Variants in SPATA20 observed in about 807,000 individuals in gnomAD.
The protein encoded by SPATA20 is spermatogenesis-associated protein 20.
SPATA20 carries 74 observed loss-of-function variants against 98.9 expected under a neutral mutation model. The ratio of observed to expected loss-of-function variants is 0.75; its 90% confidence interval spans 0.62 to 0.91. The LOEUF is 0.91. SPATA20 is among the 40% of genes least tolerant of loss of function. SPATA20 has a pLI of 0.00. For missense variants in SPATA20, 1,016 were observed against 1,069.8 expected, an observed-to-expected ratio of 0.95 and a Z score of 0.70; for synonymous variants, 430 against 440.5, an observed-to-expected ratio of 0.98 and a Z score of 0.30.
Position 50,550,748 on chromosome 17 carries a change from C to T in SPATA20, c.1214C>T (p.Pro405Leu), listed in dbSNP as rs1376570770. The change falls in exon 11 of 17, where the codon CCA (proline) becomes CTA (leucine). Residue 405 changes from proline to leucine, a missense_variant. Transcript: ENST00000006658. ...FYSAEDADSP[P>L]ERGQRPKEGA... ...AGCGCAGAAGATGCAGACTCGCCCCCAGAGCGGGGCCAGCGGCCCAAAGAG... is the reference window on the plus strand; with the variant it reads ...AGCGCAGAAGATGCAGACTCGCCCCTAGAGCGGGGCCAGCGGCCCAAAGAG... 2 of 1,613,050 alleles carry T rather than the reference C, an allele frequency of 1.2e-6. No individual in the cohort carries two copies. Among genetic ancestry groups the T allele is most frequent in the African/African-American group, 1.3e-5 (1 of 74,956 alleles).
intron 1 of SPATA20, 137 bp downstream of exon 1, chr17:50,547,422 G>C: frequency 1.4e-6 from 1 of 735,818 alleles, no homozygotes; most frequent in Non-Finnish European, 2.2e-6. Flanking sequence ...CCCCACCTCC[G>C]GTCTGCTCCT....
At chr17:50,550,400 C>T in intron 9 of SPATA20, 88 bp downstream of exon 9, 1 of 1,346,110 alleles carries the variant, frequency 7.4e-7, no homozygotes. Flanking sequence ...TTCTCTTAAT[C>T]TGAATCCCCT....
rs771747881 is a variant in SPATA20, at chr17:50,555,355, G to A, written c.2238+43G>A. ...CCCAATCTGCCACCTCCCCAGAGCTGCCCCCTCCCATCCTCAGCTCCTCAA... is the reference window on the plus strand; with the variant it reads ...CCCAATCTGCCACCTCCCCAGAGCTACCCCCTCCCATCCTCAGCTCCTCAA... On this transcript the variant is annotated intron_variant, in intron 16 of 16. Transcript: ENST00000006658. 3.8e-6 allele frequency: 6 copies of A among 1,599,024 alleles called. No individual in the cohort carries two copies. In the South Asian group the frequency reaches 5.5e-5, roughly 15 times the overall value.
intron 14 of SPATA20, 40 bp from the exon 15 acceptor site, chr17:50,554,211 C>T: frequency 6.3e-7 from 1 of 1,593,928 alleles, no homozygotes; most frequent in Non-Finnish European, 8.6e-7. Context: ...ACTCAGTGAC[C>T]TGCCCTTACC....
At chr17:50,549,844 G>A in intron 7 of SPATA20, 141 bp from the exon 8 acceptor site, 1 of 928,876 alleles carries the variant, frequency 1.1e-6, no homozygotes, top group South Asian at 1.7e-5. Context: ...CCTGTGGGTT[G>A]ACTCTTGACC....
Position 50,555,807 on chromosome 17 carries a change from G to A in SPATA20, c.*145G>A. Reference sequence around the variant, plus strand: ...CTCGGCCATACTCACTGCCCCCCTTGGGCACCCACTCACCCTAGAATAAAC... The same window carrying A: ...CTCGGCCATACTCACTGCCCCCCTTAGGCACCCACTCACCCTAGAATAAAC... On this transcript the variant is annotated 3_prime_UTR_variant, in exon 17 of 17. Transcript: ENST00000006658. 1.5e-6 allele frequency: 1 copy of A among 654,350 alleles called. No homozygotes were observed. The highest frequency in any genetic ancestry group is 2.8e-5 in the East Asian group (1 of 36,132). The allele number at this position is 654,350 out of a possible 1,614,324, so 40.5% of individuals were successfully genotyped here.
chr17:50,549,965 T>G lies in SPATA20; in HGVS notation c.863-20T>G. Reference sequence around the variant, plus strand: ...CCACTTTCCCATTCTCTCACCTGCATGTTCTTGGTGCCCCCACAGTGATCC... The same window carrying G: ...CCACTTTCCCATTCTCTCACCTGCAGGTTCTTGGTGCCCCCACAGTGATCC... On this transcript the variant is annotated intron_variant, in intron 7 of 16. Transcript: ENST00000006658. 6.5e-7 allele frequency: 1 copy of G among 1,527,396 alleles called. No homozygotes were observed. Among genetic ancestry groups the G allele is most frequent in the Non-Finnish European group, 8.8e-7 (1 of 1,133,310 alleles). 94.6% of individuals were successfully genotyped at this position (1,527,396 alleles called of 1,614,324 possible).
chr17:50,548,560 C>G lies in SPATA20; in HGVS notation c.303C>G (p.Pro101=), dbSNP rs775606256. ...QHAYNPVDWY[P]WGQEAFDKAR... Reference sequence around the variant, plus strand: ...CCCACCCTGCTGGGTCTAGGTACCCCTGGGGACAGGAAGCCTTCGACAAGG... The same window carrying G: ...CCCACCCTGCTGGGTCTAGGTACCCGTGGGGACAGGAAGCCTTCGACAAGG... Residue 101 remains proline, a synonymous_variant, in exon 4 of 17, where the codon CCC becomes CCG. Coordinates refer to ENST00000006658, the MANE Select transcript of SPATA20 (RefSeq NM_022827.4). 2 of 1,613,740 alleles carry G rather than the reference C, an allele frequency of 1.2e-6. No homozygotes were observed. Among genetic ancestry groups the G allele is most frequent in the East Asian group, 4.5e-5 (2 of 44,870 alleles).
intron 14 of SPATA20, 92 bp from the exon 15 acceptor site, chr17:50,554,159 C>A: frequency 1.7e-6 from 2 of 1,168,440 alleles, no homozygotes; most frequent in Admixed American, 3.8e-5. Flanking sequence ...TCTGTCCCGT[C>A]CCCCAAGTGG....
At chr17:50,549,248 C>A (rs758305326) in intron 6 of SPATA20, 38 bp from the exon 7 acceptor site, 1 of 1,602,544 alleles carries the variant, frequency 6.2e-7, no homozygotes, top group South Asian at 1.1e-5. Flanking sequence ...GAGCCCCTCC[C>A]CCTAGCTGAC....
chr17:50,551,183 C>T lies in SPATA20; in HGVS notation c.1569C>T (p.Ala523=). ...KPHLDSKMLA[A]WNGLMVSGYA... ...ACCTGGACAGCAAGATGCTGGCTGC[C>T]TGGAATGGTGGGGCAGCACACCTGA... Residue 523 remains alanine, a synonymous_variant, in exon 12 of 17, where the codon GCC becomes GCT. Coordinates refer to ENST00000006658, the MANE Select transcript of SPATA20 (RefSeq NM_022827.4). The T allele has an allele frequency of 6.2e-7, 1 of 1,608,522 alleles. No individual in the cohort carries two copies. Among genetic ancestry groups the T allele is most frequent in the Non-Finnish European group, 8.5e-7 (1 of 1,177,972 alleles).
In SPATA20 at chr17:50,555,576, C is replaced by T. The variant is rs867194968; in HGVS notation, c.2323C>T (p.Gln775Ter). 1 of 1,614,088 alleles carries T rather than the reference C, an allele frequency of 6.2e-7. No individual in the cohort carries two copies. Among genetic ancestry groups the T allele is most frequent in the East Asian group, 2.2e-5 (1 of 44,874 alleles). The change falls in exon 17 of 17, where the codon CAG becomes TAG. Residue 775 changes from glutamine to a stop codon, truncating the protein, a stop_gained. Coordinates refer to ENST00000006658, the MANE Select transcript of SPATA20 (RefSeq NM_022827.4). LOFTEE classifies it high-confidence loss of function. ...GAGTACCCTCCGACGGTTGGAAGAC[C>T]AGGCCACTGCATATGTGTGTGAGAA... ...FLSTLRRLED[Q>*]ATAYVCENQA...
At chr17:50,548,697 G>A (rs1567908789) in intron 4 of SPATA20, 79 bp downstream of exon 4, 18 of 1,586,220 alleles carry the variant, frequency 1.1e-5, no homozygotes, top group African/African-American at 2.7e-5. Flanking sequence ...TCGGCCTGGC[G>A]GGTCTTCCAG....
At position 50,550,009 on chromosome 17, in the gene SPATA20, A is replaced by C. The variant is rs1448597331; in HGVS notation, c.887A>C (p.Tyr296Ser). ...TPVILSFLFS[Y>S]WLSHRLTQDG... ...GTGATCCTGAGCTTCCTGTTCTCCT[A>C]CTGGCTCAGCCATCGACTGACTCAG... Residue 296 changes from tyrosine to serine, a missense_variant, in exon 8 of 17, where the codon TAC (tyrosine) becomes TCC (serine). By Grantham distance (144) the Tyr-to-Ser change is moderately radical (BLOSUM62 -2). Transcript: ENST00000006658. 1.3e-6 allele frequency: 2 copies of C among 1,560,468 alleles called. No individual in the cohort carries two copies. The highest frequency in any genetic ancestry group is 1.4e-5 in the African/African-American group (1 of 73,638).
In SPATA20 at chr17:50,552,016, G is replaced by A. The variant is rs763193209; in HGVS notation, c.1793G>A (p.Arg598Gln). Reference sequence around the variant, plus strand: ...CTGGAGGACTACGCCTTCGTGGTGCGGGGCCTGCTGGACCTGTATGAGGCC... The same window carrying A: ...CTGGAGGACTACGCCTTCGTGGTGCAGGGCCTGCTGGACCTGTATGAGGCC... ...GFLEDYAFVV[R>Q]GLLDLYEASQ... Residue 598 changes from arginine to glutamine, a missense_variant, in exon 14 of 17, where the codon CGG (arginine) becomes CAG (glutamine). Transcript: ENST00000006658. 1.5e-5 allele frequency: 25 copies of A among 1,612,966 alleles called. No homozygotes were observed. Among genetic ancestry groups the A allele is most frequent in the East Asian group, 6.7e-5 (3 of 44,848 alleles).
intron 13 of SPATA20, 76 bp from the exon 14 acceptor site, chr17:50,551,893 G>C: frequency 7.2e-7 from 1 of 1,383,932 alleles, no homozygotes; most frequent in African/African-American, 1.4e-5. Flanking sequence ...GAACAAATGC[G>C]TGAAAGGGCC....
In SPATA20 at chr17:50,555,535, G is replaced by C. The variant is rs373370910; in HGVS notation, c.2282G>C (p.Arg761Pro). 3.7e-6 allele frequency: 6 copies of C among 1,613,950 alleles called. No homozygotes were observed. Among genetic ancestry groups the C allele is most frequent in the Non-Finnish European group, 5.1e-6 (6 of 1,179,998 alleles). ...GGGGACCCCTCGAGCTTCCTGTCCC[G>C]CCAGCTGCCTTTCCTGAGTACCCTC... ...ADGDPSSFLS[R>P]QLPFLSTLRR... The change falls in exon 17 of 17, where the codon CGC (arginine) becomes CCC (proline). Residue 761 changes from arginine to proline, a missense_variant. Transcript: ENST00000006658.
Position 50,547,724 on chromosome 17 carries a change from C to A in SPATA20, c.82C>A (p.Pro28Thr), listed in dbSNP as rs746703919. The A allele has an allele frequency of 1.3e-6, 1 of 781,322 alleles. No homozygotes were observed. The highest frequency in any genetic ancestry group is 1.7e-5 in the African/African-American group (1 of 59,280). The allele number at this position is 781,322 out of a possible 1,614,324, so 48.4% of individuals were successfully genotyped here. The stretch of plus-strand genomic sequence containing the variant: ...CTGAGGTCTCTGATTCCCTAGGTGT[C>A]CTGGAGTCTGGCCCAGGACCTGGCC... ...GAGLAASRRC[P>T]GVWPRTWPHR... Residue 28 changes from proline to threonine, a missense_variant, in exon 2 of 17, where the codon CCT (proline) becomes ACT (threonine). By Grantham distance (38) the Pro-to-Thr change is conservative. Transcript: ENST00000006658.
chr17:50,549,795 A>G (rs76971980), intron 7 of SPATA20, among the ~76,000 whole-genome samples, 190 bp from the exon 8 acceptor site: 4,255 of 152,272 alleles, frequency 0.028, 193 homozygotes, highest in Admixed American at 0.12. Flanking sequence ...CTGTGAACCA[A>G]TGATATTCTG....
Sources: allele counts gnomAD v4.1 joint callset (sites outside exome capture counted in the v4.1 genomes callset), GRCh38; gene constraint gnomAD v4.1.1; transcripts MANE v1.5; gene names NCBI Gene and HGNC (gene_info 2026-07-23, HGNC 2026-07-21).